PIGQ: variants seen among roughly 807,000 people sequenced by gnomAD.
The protein encoded by PIGQ is phosphatidylinositol N-acetylglucosaminyltransferase subunit Q.
A neutral mutation model predicts 60.3 loss-of-function variants in PIGQ; 54 were observed. The observed-to-expected ratio is 0.90, with a 90% CI of 0.72 to 1.12. The LOEUF (loss-of-function observed/expected upper bound fraction) is 1.12, where lower values mean the gene tolerates loss of function less well. PIGQ is among the 50% of genes most tolerant of loss of function. The pLI is 0.00. For synonymous variants in PIGQ, 416 were observed against 363.7 expected (o/e 1.14, Z -1.64); for missense variants, 799 against 793.5 (o/e 1.01, Z -0.08).
At chr16:582,745 GGGACTGGCTTCT>G (rs1596388294) in intron 10 of PIGQ, 126 bp from the exon 11 acceptor site, 1 of 950,426 alleles carries the variant, frequency 1.1e-6, no homozygotes, top group East Asian at 2.4e-5. Flanking sequence ...CTTGGGAACT[GGGACTGGCTTCT>G]CCCACAGGCA....
chr16:570,215 G>C (rs2035598570), intron 1 of PIGQ, 119 bp downstream of exon 1: 1 of 152,066 alleles, frequency 6.6e-6, no homozygotes, highest in South Asian at 2.1e-4. Flanking sequence ...CCTCCCAGAA[G>C]TGGGGCCGCC....
At chr16:576,538 G>A in intron 4 of PIGQ, 1 of 563,910 alleles carries the variant, frequency 1.8e-6, no homozygotes, top group Non-Finnish European at 3.1e-6. Context: ...TGTGGGCCCA[G>A]CGTCCTGGTA....
At chr16:577,531 C>T (rs980251107) in intron 4 of PIGQ, among the ~76,000 whole-genome samples, 2 of 147,764 alleles carry the variant, frequency 1.4e-5, no homozygotes, top group Non-Finnish European at 3.0e-5. Context: ...GAGCCGAGAT[C>T]TCACCACTGC....
At chr16:575,303 G>T (rs1193327218) in intron 2 of PIGQ, among the ~76,000 whole-genome samples, 2 of 152,208 alleles carry the variant, frequency 1.3e-5, no homozygotes, top group African/African-American at 2.4e-5. Context: ...CAAGGGCCCT[G>T]AGGGGCACGG....
intron 9 of PIGQ, chr16:581,843 A>G (rs2035814794): frequency 3.6e-6 from 1 of 276,426 alleles, no homozygotes; most frequent in Non-Finnish European, 6.9e-6. Context: ...AGCTCACTGC[A>G]ACCTTCGCCT....
chr16:572,059 T>C (rs1357072953), intron 1 of PIGQ, among the ~76,000 whole-genome samples: 1 of 152,158 alleles, frequency 6.6e-6, no homozygotes, highest in East Asian at 1.9e-4. Flanking sequence ...TGTGTTTCTT[T>C]TCCGACGATA....
Position 583,297 on chromosome 16 carries a change from A to C in PIGQ, c.*262A>C, listed in dbSNP as rs1230065247. On this transcript the variant is annotated 3_prime_UTR_variant, in exon 11 of 11. Transcript: ENST00000321878. ...CCGCTTCCCACCTGCTGCGGTCACCATGGTGGCGAGCACAGCAACCCCAGG... is the reference window on the plus strand; with the variant it reads ...CCGCTTCCCACCTGCTGCGGTCACCCTGGTGGCGAGCACAGCAACCCCAGG... 1.9e-6 allele frequency: 3 copies of C among 1,612,722 alleles called. No individual in the cohort carries two copies. In the African/African-American group the frequency reaches 4.0e-5, roughly 22 times the overall value.
intron 10 of PIGQ, 36 bp downstream of exon 10, chr16:582,345 C>T: frequency 6.6e-7 from 1 of 1,503,936 alleles, no homozygotes. Flanking sequence ...CCCTACGCTG[C>T]TGCCCCTGTT....
At position 575,175 on chromosome 16, in the gene PIGQ, G is replaced by A. The variant is rs139341698; in HGVS notation, c.689+412G>A. ...CCAGCAGGCCTCTGGACACTGCAGC[G>A]CTCATGGGCTGTGGGGGTGTCATCC... is the stretch of plus-strand genomic sequence containing the variant. On this transcript the variant is annotated intron_variant, in intron 2 of 10. Transcript: ENST00000321878. Among the ~76,000 whole-genome samples the A allele has an allele frequency of 3.9e-3, 592 of 152,342 alleles. 2 individuals are homozygous for A. Among genetic ancestry groups the A allele is most frequent in the African/African-American group, 0.013 (545 of 41,578 alleles).
At chr16:582,800 C>T in intron 10 of PIGQ, 83 bp from the exon 11 acceptor site, 1 of 1,440,360 alleles carries the variant, frequency 6.9e-7, no homozygotes, top group Non-Finnish European at 9.4e-7. Context: ...GGCCCTGCCT[C>T]ACAACTGCCC....
rs1454668289 is a variant in PIGQ, at chr16:583,525, C to G, written c.*490C>G. 1.9e-6 allele frequency: 3 copies of G among 1,612,644 alleles called. No individual in the cohort carries two copies. The highest frequency in any genetic ancestry group is 2.5e-6 in the Non-Finnish European group (3 of 1,179,838). ...CCCTCAGCCGAACAGCACCCTGCAT[C>G]TGGGGGATTGAAGCAGTCGCTGACC... On this transcript the variant is annotated 3_prime_UTR_variant, in exon 11 of 11. Coordinates refer to ENST00000321878, the MANE Select transcript of PIGQ (RefSeq NM_004204.5).
chr16:576,352 C>A, intron 4 of PIGQ, 98 bp downstream of exon 4: 2 of 1,329,786 alleles, frequency 1.5e-6, no homozygotes, highest in Non-Finnish European at 2.0e-6. Context: ...CCCCACAAAG[C>A]CAGTTCTACC....
chr16:575,785 CGGT>C (rs2035705881), intron 2 of PIGQ, 51 bp from the exon 3 acceptor site: 4 of 1,526,362 alleles, frequency 2.6e-6, no homozygotes, highest in Admixed American at 3.9e-5. Flanking sequence ...CAGTGGGGGA[CGGT>C]GGGAGGAGGA....
intron 4 of PIGQ, among the ~76,000 whole-genome samples, chr16:577,535 C>T (rs2151046502): frequency 6.6e-6 from 1 of 151,138 alleles, no homozygotes; most frequent in East Asian, 2.0e-4. Flanking sequence ...CGAGATCTCA[C>T]CACTGCACTC....
chr16:578,181 C>G (rs2035750652), intron 4 of PIGQ, 198 bp from the exon 5 acceptor site: 6 of 560,130 alleles, frequency 1.1e-5, no homozygotes, highest in African/African-American at 1.9e-5. Flanking sequence ...CAGAGAGAGG[C>G]CTCCAGACCA....
Position 578,376 on chromosome 16 carries a change from C to T in PIGQ, c.943-3C>T, listed in dbSNP as rs368120433. On this transcript the variant is annotated splice_polypyrimidine_tract_variant and splice_region_variant and intron_variant, in intron 4 of 10. Transcript: ENST00000321878. ...CCCCAGCGTGGCCCCTGTGTCCCTG[C>T]AGCACGTGGCCGAGGAGCTCCAGCA... The T allele has an allele frequency of 1.6e-5, 25 of 1,608,042 alleles. No homozygotes were observed. Among genetic ancestry groups the T allele is most frequent in the Non-Finnish European group, 2.1e-5 (25 of 1,179,254 alleles).
In PIGQ at chr16:578,308, A is replaced by C. The variant is rs554146867; in HGVS notation, c.943-71A>C. The C allele has an allele frequency of 4.1e-5, 63 of 1,525,460 alleles. No individual in the cohort carries two copies. The African/African-American group carries it at 7.8e-4, about 19-fold the overall frequency. 94.5% of individuals were successfully genotyped at this position (1,525,460 alleles called of 1,614,324 possible). A position where few individuals can be genotyped will look rare whatever the true frequency, so the allele number is the denominator to read the frequency against. Reference sequence around the variant, plus strand: ...CTGGCCAAGGTGGGAGCCCATCACGAAAGAGCCTGGGGAGATGCAGGTGCT... The same window carrying C: ...CTGGCCAAGGTGGGAGCCCATCACGCAAGAGCCTGGGGAGATGCAGGTGCT... On this transcript the variant is annotated intron_variant, in intron 4 of 10. Transcript: ENST00000321878.
chr16:583,098 T>C lies in PIGQ; in HGVS notation c.*63T>C. 5 of 1,613,000 alleles carry C rather than the reference T, an allele frequency of 3.1e-6. No homozygotes were observed. Among genetic ancestry groups the C allele is most frequent in the Non-Finnish European group, 4.2e-6 (5 of 1,179,940 alleles). On this transcript the variant is annotated 3_prime_UTR_variant, in exon 11 of 11. Transcript: ENST00000321878. Reference sequence around the variant, plus strand: ...CAGCCAGCCATCTGCTCTGCCAGGGTGGCACCAGCTCAGCTGGCGCATGTC... The same window carrying C: ...CAGCCAGCCATCTGCTCTGCCAGGGCGGCACCAGCTCAGCTGGCGCATGTC...
intron 1 of PIGQ, chr16:572,445 G>A: frequency 2.2e-6 from 1 of 447,574 alleles, no homozygotes; most frequent in South Asian, 1.6e-5. Flanking sequence ...TGCACCAGGG[G>A]CCTCTTAAGC....
Sources: gnomAD v4.1 joint callset for allele counts (sites outside exome capture counted in the v4.1 genomes callset) on GRCh38, gnomAD v4.1.1 for gene constraint, MANE v1.5 for transcripts, NCBI Gene and HGNC (gene_info 2026-07-23, HGNC 2026-07-21) for gene names.